The following KLF16 variants were observed in gnomAD, a reference collection of about 807,000 sequenced individuals.
KLF16 encodes the protein Krueppel-like factor 16.
KLF16 carries 6 observed loss-of-function variants against 6.1 expected under a neutral mutation model. That is an observed-to-expected ratio of 0.98 (90% CI 0.54 to 1.93). The LOEUF (loss-of-function observed/expected upper bound fraction) is 1.93, where lower values mean the gene tolerates loss of function less well. Ranked by LOEUF, KLF16 falls within the 30% of genes most tolerant of loss-of-function variation. KLF16 has a pLI of 0.01. For synonymous variants in KLF16, 211 were observed against 176.5 expected, an observed-to-expected ratio of 1.20 and a Z score of -1.55; for missense variants, 355 against 363.8, an observed-to-expected ratio of 0.98 and a Z score of 0.20.
At chr19:1,863,588 C>A (rs1177754997), upstream of KLF16, 4 of 447,370 alleles carry the variant, frequency 8.9e-6, no homozygotes, top group Non-Finnish European at 1.2e-5. Flanking sequence ...GTGCGGGAGG[C>A]GGAGGAGGAG....
At chr19:1,875,367 GT>G in the KLF16 span, 12 of 152,224 alleles carry the variant, frequency 7.9e-5, no homozygotes, top group Admixed American at 7.9e-4. Context: ...TCCGAGCTAC[GT>G]TAAGTATAAG....
rs1349695625 is a variant in KLF16, at chr19:1,857,054, C to T, written c.458-2294G>A. Among the ~76,000 whole-genome samples, 1 of 151,716 alleles carries T rather than the reference C, an allele frequency of 6.6e-6. No homozygotes were observed. The highest frequency in any genetic ancestry group is 6.6e-5 in the Admixed American group (1 of 15,262). On this transcript the variant is annotated intron_variant, in intron 1 of 1. Transcript: ENST00000250916. The surrounding 1 kb of genome is among the most constrained non-coding windows in gnomAD (Gnocchi z 4.7). Reference sequence around the variant, plus strand: ...GGGGACATCCGCAGCCCCAGCCGGCCCCGCTCACGTGGTCCCACTCCCGCC... The same window carrying T: ...GGGGACATCCGCAGCCCCAGCCGGCTCCGCTCACGTGGTCCCACTCCCGCC...
At chr19:1,865,405 G>T (rs920685870), upstream of KLF16, among the ~76,000 whole-genome samples, 1 of 152,230 alleles carries the variant, frequency 6.6e-6, no homozygotes, top group African/African-American at 2.4e-5. Flanking sequence ...CTGGAACCCC[G>T]CATTGGCTTG....
At chr19:1,862,678 T>C (rs1599196149) in intron 1 of KLF16, 3 of 193,132 alleles carry the variant, frequency 1.6e-5, no homozygotes, top group African/African-American at 2.6e-5. Flanking sequence ...AGCCGGATGC[T>C]CCAACCACGG....
At chr19:1,866,581 T>C (rs2012191587), upstream of KLF16, among the ~76,000 whole-genome samples, 2 of 151,060 alleles carry the variant, frequency 1.3e-5, no homozygotes, top group African/African-American at 4.9e-5. Flanking sequence ...GCCACTGCAC[T>C]CCAGCCTGGG....
rs1306252910 is a variant in KLF16 at position 1,857,803 on chromosome 19, A to C, written c.458-3043T>G. ...AAGCAAGCATCCCAGGAGAGCCAGG[A>C]AAGGCTGGGGCTGGGGAGGCCTCTT... On this transcript the variant is annotated intron_variant, in intron 1 of 1. Transcript: ENST00000250916. This position sits in a 1 kb window ranked among gnomAD's most constrained non-coding sequence, Gnocchi z 4.7. 6.6e-6 allele frequency among the ~76,000 whole-genome samples: 1 copy of C among 152,008 alleles called. No homozygotes were observed. The highest frequency in any genetic ancestry group is 1.5e-5 in the Non-Finnish European group (1 of 67,924).
chr19:1,855,503 CA>C (rs1339102756), intron 1 of KLF16, among the ~76,000 whole-genome samples: 5 of 152,102 alleles, frequency 3.3e-5, no homozygotes, highest in Non-Finnish European at 7.4e-5. Context: ...TGGCGCTGGG[CA>C]GGGGCGGGCC....
chr19:1,858,277 A>C (rs1029583554), intron 1 of KLF16, among the ~76,000 whole-genome samples: 3 of 152,116 alleles, frequency 2.0e-5, no homozygotes, highest in Non-Finnish European at 2.9e-5. Flanking sequence ...GGGCACCCAG[A>C]CTGCGCTTGG....
At chr19:1,865,830 G>A (rs974574904), upstream of KLF16, among the ~76,000 whole-genome samples, 2 of 152,196 alleles carry the variant, frequency 1.3e-5, no homozygotes, top group Non-Finnish European at 2.9e-5. Context: ...AGCAGCGCCC[G>A]GCACAGGGCT....
At chr19:1,876,149 ACCG>A in the KLF16 span, 1 of 152,910 alleles carries the variant, frequency 6.5e-6, no homozygotes, top group Non-Finnish European at 1.5e-5. Flanking sequence ...GACGCCAGCC[ACCG>A]CCGCCGCCGT....
At chr19:1,856,945 G>C (rs1295518899) in intron 1 of KLF16, among the ~76,000 whole-genome samples, 1 of 128,248 alleles carries the variant, frequency 7.8e-6, no homozygotes, top group East Asian at 2.2e-4. Flanking sequence ...GGAGGAGCAG[G>C]TTGCCGGGGT....
Position 1,854,787 on chromosome 19 carries a change from C to A in KLF16, c.458-27G>T, listed in dbSNP as rs748988922. 3 of 1,593,580 alleles carry A rather than the reference C, an allele frequency of 1.9e-6. No individual in the cohort carries two copies. In the East Asian group the frequency reaches 6.7e-5, roughly 36 times the overall value. ...TGGACGGAGAGACAGAGACAGACAGCGGGTCAGCGGGGGCGGGGGGAGATG... is the reference window on the plus strand; with the variant it reads ...TGGACGGAGAGACAGAGACAGACAGAGGGTCAGCGGGGGCGGGGGGAGATG... On this transcript the variant is annotated intron_variant, in intron 1 of 1. Transcript: ENST00000250916.
chr19:1,868,642 C>A, the KLF16 span, among the ~76,000 whole-genome samples: 38 of 117,562 alleles, frequency 3.2e-4, no homozygotes, highest in Non-Finnish European at 5.6e-4. Flanking sequence ...CCACACCGGG[C>A]TTTTTTTTTT....
At chr19:1,856,963 G>GGGGGGCC (rs1466347651) in intron 1 of KLF16, among the ~76,000 whole-genome samples, 1 of 117,400 alleles carries the variant, frequency 8.5e-6, no homozygotes, top group African/African-American at 4.4e-5. Flanking sequence ...GGTGGGGGGG[G>GGGGGGCC]CGACCGGGGC....
intron 1 of KLF16, chr19:1,860,336 G>C (rs1433994230): frequency 6.6e-6 from 1 of 152,366 alleles, no homozygotes; most frequent in Non-Finnish European, 1.5e-5. Flanking sequence ...CTGTGGGCCA[G>C]ACCCAGGGGA....
Position 1,863,310 on chromosome 19 carries a change from G to T in KLF16, c.188C>A (p.Pro63His). ...PGTPGPPPPP[P>H]AASGPGPGAA... ...GCCGGGGCCCGGGCCAGAAGCGGCG[G>T]GGGGCGGCGGGGGTGGCCCCGGGGT... The change falls in exon 1 of 2, where the codon CCC becomes CAC. Residue 63 changes from proline (P) to histidine (H), a missense_variant. By Grantham distance (77) the Pro-to-His change is moderately conservative. Coordinates refer to ENST00000250916, the MANE Select transcript of KLF16 (RefSeq NM_031918.4). 1.0e-6 allele frequency: 1 copy of T among 981,760 alleles called. No homozygotes were observed. The highest frequency in any genetic ancestry group is 1.2e-6 in the Non-Finnish European group (1 of 829,064). 60.8% of individuals were successfully genotyped at this position (981,760 alleles called of 1,614,324 possible).
intron 1 of KLF16, among the ~76,000 whole-genome samples, chr19:1,858,860 G>A (rs905428356): frequency 6.6e-6 from 1 of 151,782 alleles, no homozygotes; most frequent in Non-Finnish European, 1.5e-5. Flanking sequence ...GGTGCCCCCC[G>A]CCCCCACAGC....
rs2012105627 is a variant in KLF16, at chr19:1,863,150, G to C, written c.348C>G (p.Pro116=). The C allele has an allele frequency of 1.5e-6, 2 of 1,309,528 alleles. No individual in the cohort carries two copies. The highest frequency in any genetic ancestry group is 6.2e-5 in the Admixed American group (2 of 32,512). The allele number at this position is 1,309,528 out of a possible 1,614,324, so 81.1% of individuals were successfully genotyped here. The change falls in exon 1 of 2, where the codon CCC becomes CCG. Residue 116 remains proline, a synonymous_variant. Coordinates refer to ENST00000250916, the MANE Select transcript of KLF16 (RefSeq NM_031918.4). ...TGGCGGCGGCGGAGGGCGCGGCGCC[G>C]GGGGCGCGGCCCGAGGACGGGGACG... The part of the protein sequence containing the change: ...AASSPSSGRA[P]GAAPSAAAKS...
chr19:1,858,329 CT>C (rs1365037898), intron 1 of KLF16, among the ~76,000 whole-genome samples: 2 of 152,228 alleles, frequency 1.3e-5, no homozygotes, highest in Non-Finnish European at 2.9e-5. Flanking sequence ...AAACTGATGG[CT>C]GATCCTGCCC....
Sources: gnomAD v4.1 joint callset for allele counts (sites outside exome capture counted in the v4.1 genomes callset) on GRCh38, gnomAD v4.1.1 for gene constraint, Gnocchi (gnomAD v3.1) non-coding constraint, MANE v1.5 for transcripts, NCBI Gene and HGNC (gene_info 2026-07-23, HGNC 2026-07-21) for gene names.